C1QTNF7: variants seen among roughly 807,000 people sequenced by gnomAD.
The protein encoded by C1QTNF7 is C1q and TNF related 7, also known as complement C1q tumor necrosis factor-related protein 7.
In C1QTNF7, 15 loss-of-function variants were observed where a neutral mutation model predicts 19.6. That is an observed-to-expected ratio of 0.76 (90% CI 0.51 to 1.18). The LOEUF is 1.18. C1QTNF7 is among the 50% of genes most tolerant of loss of function. The pLI is 0.00. For synonymous variants in C1QTNF7, 142 were observed against 137.5 expected, an observed-to-expected ratio of 1.03 and a Z score of -0.23; for missense variants, 324 against 359.7, an observed-to-expected ratio of 0.90 and a Z score of 0.80.
rs1437994093 is a variant in C1QTNF7 at position 15,445,108 on chromosome 4, T to C, written c.*2309T>C. The stretch of plus-strand genomic sequence containing the variant: ...ATTGTCTTCATCTTCCTGCCATACT[T>C]TGTGCACTTATTGCTCTCCTTCTGA... On this transcript the variant is annotated 3_prime_UTR_variant, in exon 3 of 3. Transcript: ENST00000444304. 6.6e-6 allele frequency: 1 copy of C among 152,226 alleles called. No individual in the cohort carries two copies. Among genetic ancestry groups the C allele is most frequent in the African/African-American group, 2.4e-5 (1 of 41,448 alleles). The allele number at this position is 152,226 out of a possible 1,614,324, so 9.4% of individuals were successfully genotyped here.
chr4:15,440,224 T>C (rs1712695229), intron 2 of C1QTNF7, among the ~76,000 whole-genome samples: 1 of 152,090 alleles, frequency 6.6e-6, no homozygotes. Context: ...CTTCTCTGTA[T>C]ATAAAGAGAC....
chr4:15,412,596 A>G (rs1440571348), intron 1 of C1QTNF7, among the ~76,000 whole-genome samples: 1 of 152,166 alleles, frequency 6.6e-6, no homozygotes, highest in East Asian at 1.9e-4. Flanking sequence ...CAGGATAACC[A>G]GCCCACCTCA....
chr4:15,347,138 A>G (rs974713754), intron 1 of C1QTNF7, among the ~76,000 whole-genome samples: 1 of 152,202 alleles, frequency 6.6e-6, no homozygotes, highest in Non-Finnish European at 1.5e-5. Flanking sequence ...AATATAATAA[A>G]AATGTGTTCA....
chr4:15,348,586 C>A (rs1199879671), intron 1 of C1QTNF7, among the ~76,000 whole-genome samples: 2 of 152,084 alleles, frequency 1.3e-5, no homozygotes, highest in East Asian at 3.9e-4. Context: ...GGGCAGAGAC[C>A]CCAGAGACTT....
chr4:15,369,648 C>G (rs1387738457), intron 1 of C1QTNF7, among the ~76,000 whole-genome samples: 1 of 152,180 alleles, frequency 6.6e-6, no homozygotes, highest in Non-Finnish European at 1.5e-5. Context: ...CAATTAACAG[C>G]CCAACGAATA....
At chr4:15,359,201 C>T (rs1201159510) in intron 1 of C1QTNF7, among the ~76,000 whole-genome samples, 1 of 152,116 alleles carries the variant, frequency 6.6e-6, no homozygotes, top group South Asian at 2.1e-4. Context: ...TGAGTGTCTG[C>T]TCTCACCAAC....
At chr4:15,340,286 T>C (rs1716494283) in intron 1 of C1QTNF7, 2 of 1,476,470 alleles carry the variant, frequency 1.4e-6, no homozygotes, top group South Asian at 2.5e-5. Context: ...TGGGAGAACT[T>C]AAGAAAGCTC....
chr4:15,429,094 T>C (rs764625959), intron 1 of C1QTNF7, among the ~76,000 whole-genome samples: 16 of 152,144 alleles, frequency 1.1e-4, no homozygotes, highest in Non-Finnish European at 1.3e-4. Context: ...GTGAAGGTAA[T>C]AGCACTTACT....
intron 1 of C1QTNF7, among the ~76,000 whole-genome samples, chr4:15,351,392 A>T (rs1217919594): frequency 6.6e-6 from 1 of 152,158 alleles, no homozygotes; most frequent in Non-Finnish European, 1.5e-5. Flanking sequence ...TGTTGCCTTA[A>T]TTATAAGATT....
intron 1 of C1QTNF7, among the ~76,000 whole-genome samples, chr4:15,403,551 C>T (rs1248527788): frequency 6.6e-6 from 1 of 152,146 alleles, no homozygotes; most frequent in African/African-American, 2.4e-5. Flanking sequence ...CTGTCATCAC[C>T]TCACCTTCTT....
Position 15,439,305 on chromosome 4 carries a change from G to C in C1QTNF7, c.239-2863G>C, listed in dbSNP as rs573494272. On this transcript the variant is annotated intron_variant, in intron 2 of 2. Transcript: ENST00000444304. ...TTACTATAGAAAATCCAAACTTTCA[G>C]GCCGTGAAGGCCTTTTTGTGGACAG... Among the ~76,000 whole-genome samples, 12 of 152,290 alleles carry C rather than the reference G, an allele frequency of 7.9e-5. No homozygotes were observed. The East Asian group carries it at 2.1e-3, about 27-fold the overall frequency.
chr4:15,395,393 T>C (rs539635592), intron 1 of C1QTNF7, among the ~76,000 whole-genome samples: 8 of 152,312 alleles, frequency 5.3e-5, no homozygotes, highest in East Asian at 1.9e-4. Context: ...TTGCTTTCTG[T>C]AAGAACTGGC....
chr4:15,342,807 G>T (rs1716592135), intron 1 of C1QTNF7, among the ~76,000 whole-genome samples: 1 of 152,194 alleles, frequency 6.6e-6, no homozygotes, highest in South Asian at 2.1e-4. Flanking sequence ...GTATTTCCTG[G>T]TCAGGCAAGT....
chr4:15,383,502 A>G (rs1293558034), intron 1 of C1QTNF7, among the ~76,000 whole-genome samples: 1 of 152,188 alleles, frequency 6.6e-6, no homozygotes, highest in Non-Finnish European at 1.5e-5. Context: ...AACAATTTAT[A>G]TCCTCCATTG....
At chr4:15,412,583 A>G (rs150794602) in intron 1 of C1QTNF7, among the ~76,000 whole-genome samples, 95 of 152,256 alleles carry the variant, frequency 6.2e-4, no homozygotes, top group Non-Finnish European at 1.1e-3. Flanking sequence ...CACTTAGATG[A>G]TCCAGGATAA....
chr4:15,442,883 G>A lies in C1QTNF7; in HGVS notation c.*84G>A. On this transcript the variant is annotated 3_prime_UTR_variant, in exon 3 of 3. Coordinates refer to ENST00000444304, the MANE Select transcript of C1QTNF7 (RefSeq NM_031911.5). ...AACAAGCAGGAATGGGATCCAAAGA[G>A]ACTCCCACTCAGATTCTAAAGCATT... The A allele has an allele frequency of 7.4e-7, 1 of 1,342,646 alleles. No homozygotes were observed. The highest frequency in any genetic ancestry group is 1.0e-6 in the Non-Finnish European group (1 of 993,484). 83.2% of individuals were successfully genotyped at this position (1,342,646 alleles called of 1,614,324 possible).
intron 1 of C1QTNF7, among the ~76,000 whole-genome samples, chr4:15,365,164 T>C (rs987351391): frequency 5.9e-5 from 9 of 152,082 alleles, no homozygotes; most frequent in African/African-American, 1.2e-4. Context: ...TATATGTTCA[T>C]ACATAAAGGT....
chr4:15,347,334 C>T (rs1037454496), intron 1 of C1QTNF7, among the ~76,000 whole-genome samples: 16 of 152,182 alleles, frequency 1.1e-4, no homozygotes, highest in African/African-American at 3.4e-4. Flanking sequence ...CTTAATGTCT[C>T]GCATTCTCAT....
chr4:15,405,089 T>C (rs1719143699), intron 1 of C1QTNF7, among the ~76,000 whole-genome samples: 1 of 152,172 alleles, frequency 6.6e-6, no homozygotes, highest in South Asian at 2.1e-4. Context: ...TGGCTTAAAC[T>C]AGTAAAAAAT....
Sources: gnomAD v4.1 joint callset for allele counts (sites outside exome capture counted in the v4.1 genomes callset) on GRCh38, gnomAD v4.1.1 for gene constraint, MANE v1.5 for transcripts, NCBI Gene and HGNC (gene_info 2026-07-23, HGNC 2026-07-21) for gene names.